Variants in WDR43 observed in about 807,000 individuals in gnomAD.
The protein encoded by WDR43 is WD repeat-containing protein 43.
In WDR43, 13 loss-of-function variants were observed where a neutral mutation model predicts 91.4. That is an observed-to-expected ratio of 0.14 (90% confidence interval 0.09 to 0.23). The LOEUF (loss-of-function observed/expected upper bound fraction) is 0.23, where lower values mean the gene tolerates loss of function less well. Ranked by LOEUF, WDR43 falls within the 10% of genes least tolerant of loss-of-function variation. The probability of loss-of-function intolerance (pLI) is 1.00; values close to 1 mark genes in which losing one functional copy is unlikely to be tolerated. For synonymous variants in WDR43, 331 were observed against 287.9 expected (o/e 1.15, Z -1.51); for missense variants, 780 against 809.4 (o/e 0.96, Z 0.44).
chr2:28,927,448 A>G, intron 9 of WDR43, 121 bp from the exon 10 acceptor site: 1 of 1,138,498 alleles, frequency 8.8e-7, no homozygotes, highest in South Asian at 1.7e-5. Context: ...AATTGATATC[A>G]AGTTAATTAT....
intron 6 of WDR43, among the ~76,000 whole-genome samples, chr2:28,918,678 A>T (rs934480020): frequency 2.6e-5 from 4 of 152,082 alleles, no homozygotes; most frequent in Non-Finnish European, 5.9e-5. Context: ...CTATATATGT[A>T]TGTATTTTAT....
At chr2:28,924,854 C>A in intron 7 of WDR43, 128 bp from the exon 8 acceptor site, 1 of 1,058,230 alleles carries the variant, frequency 9.4e-7, no homozygotes. Context: ...TCCGGAGACC[C>A]AGGTGACTCC....
At chr2:28,907,262 A>C (rs1471591037) in intron 3 of WDR43, among the ~76,000 whole-genome samples, 1 of 152,094 alleles carries the variant, frequency 6.6e-6, no homozygotes, top group African/African-American at 2.4e-5. Flanking sequence ...CTGCCAGAGA[A>C]GGGATTCTAA....
chr2:28,925,292 T>C, intron 8 of WDR43, 139 bp downstream of exon 8: 1 of 923,998 alleles, frequency 1.1e-6, no homozygotes, highest in Non-Finnish European at 1.5e-6. Context: ...CATGGAGTGG[T>C]TTATTTTAAT....
chr2:28,932,810 C>T (rs921361397), intron 11 of WDR43, among the ~76,000 whole-genome samples: 22 of 151,966 alleles, frequency 1.4e-4, no homozygotes, highest in African/African-American at 5.1e-4. Context: ...AAAAGAGAAG[C>T]GTATTTATGT....
intron 5 of WDR43, among the ~76,000 whole-genome samples, chr2:28,916,089 A>T (rs1670903735): frequency 6.6e-6 from 1 of 152,224 alleles, no homozygotes; most frequent in African/African-American, 2.4e-5. Context: ...GAGTTGTAAC[A>T]TACATATACA....
At chr2:28,929,537 G>T in intron 10 of WDR43, 42 bp from the exon 11 acceptor site, 1 of 1,485,152 alleles carries the variant, frequency 6.7e-7, no homozygotes, top group Non-Finnish European at 9.0e-7. Context: ...ACTACTTTAA[G>T]TCTTGTCTGG....
chr2:28,941,937 A>G (rs2148200461), intron 15 of WDR43, among the ~76,000 whole-genome samples: 1 of 152,326 alleles, frequency 6.6e-6, no homozygotes, highest in Middle Eastern at 3.4e-3. Flanking sequence ...ATCAGGATCT[A>G]GTCTTTAACT....
intron 5 of WDR43, among the ~76,000 whole-genome samples, chr2:28,917,326 C>T (rs1260419909): frequency 2.0e-5 from 3 of 152,146 alleles, no homozygotes; most frequent in Admixed American, 2.0e-4. Context: ...TGAATAATGA[C>T]AATCAACTGC....
intron 7 of WDR43, among the ~76,000 whole-genome samples, chr2:28,923,592 T>C (rs915280866): frequency 6.6e-6 from 1 of 152,182 alleles, no homozygotes; most frequent in Non-Finnish European, 1.5e-5. Context: ...GCACCCTTCT[T>C]TTAAGATACC....
chr2:28,926,526 C>A lies in WDR43; in HGVS notation c.1145C>A (p.Ala382Asp), dbSNP rs769043130. 1 of 1,599,076 alleles carries A rather than the reference C, an allele frequency of 6.3e-7. No homozygotes were observed. The highest frequency in any genetic ancestry group is 1.1e-5 in the South Asian group (1 of 88,276). ...GTAAGAGATATTTCAAACTGCTGGG[C>A]CCCCAAAGTAGAAACAGCTATAACA... Reference protein sequence around the residue: ...CLVRDISNCWAPKVETAITKV... With the variant: ...CLVRDISNCWDPKVETAITKV... The change falls in exon 9 of 18, where the codon GCC becomes GAC. Residue 382 changes from alanine to aspartate, a missense_variant. Physicochemically the swap from Ala to Asp is moderately radical, Grantham distance 126. Coordinates refer to ENST00000407426, the MANE Select transcript of WDR43 (RefSeq NM_015131.3).
At chr2:28,927,015 C>A in intron 9 of WDR43, 1 of 515,324 alleles carries the variant, frequency 1.9e-6, no homozygotes, top group Non-Finnish European at 3.9e-6. Flanking sequence ...AACTTGGTGT[C>A]TACATGTAGG....
At chr2:28,942,479 T>C in intron 16 of WDR43, 98 bp downstream of exon 16, 1 of 1,312,272 alleles carries the variant, frequency 7.6e-7, no homozygotes, top group South Asian at 1.3e-5. Context: ...CATAAGATCT[T>C]CCTTTGGCAA....
intron 2 of WDR43, 39 bp downstream of exon 2, chr2:28,902,163 G>A: frequency 6.6e-7 from 1 of 1,520,250 alleles, no homozygotes; most frequent in Non-Finnish European, 8.8e-7. Flanking sequence ...TGATGTGACA[G>A]GGAAGCTGAT....
intron 11 of WDR43, among the ~76,000 whole-genome samples, chr2:28,930,905 A>T (rs1234734213): frequency 6.6e-6 from 1 of 152,254 alleles, no homozygotes; most frequent in East Asian, 1.9e-4. Context: ...AGCAAATCTC[A>T]GATGATCACA....
At chr2:28,943,616 A>G (rs1189744792) in intron 16 of WDR43, among the ~76,000 whole-genome samples, 1 of 152,202 alleles carries the variant, frequency 6.6e-6, no homozygotes, top group Non-Finnish European at 1.5e-5. Context: ...AGCTAGACCA[A>G]TAGATTGGCA....
intron 2 of WDR43, among the ~76,000 whole-genome samples, 166 bp from the exon 3 acceptor site, chr2:28,906,294 A>G (rs1456814843): frequency 2.0e-5 from 3 of 152,102 alleles, no homozygotes; most frequent in African/African-American, 7.2e-5. Context: ...CAAAAAATAC[A>G]CCATTGGCTC....
chr2:28,900,569 T>C (rs1280671661), intron 1 of WDR43, among the ~76,000 whole-genome samples: 2 of 152,192 alleles, frequency 1.3e-5, no homozygotes, highest in East Asian at 3.9e-4. Flanking sequence ...TTGCCTGAAA[T>C]AGGTGTTTGT....
In WDR43 at chr2:28,939,014, AG is replaced by A. The variant is rs370684346; in HGVS notation, c.1620+1026del. On this transcript the variant is annotated intron_variant, in intron 14 of 17. Transcript: ENST00000407426. ...GGGAGGTGGCCTGGGAACACTGGTGAGGGGGGTTTTGGGAGGTGACCTGGGA... is the reference window on the plus strand; with the variant it reads ...GGGAGGTGGCCTGGGAACACTGGTGAGGGGGTTTTGGGAGGTGACCTGGGA... 1.3e-4 allele frequency among the ~76,000 whole-genome samples: 16 copies of A among 119,092 alleles called. 1 individual carries two copies. Among genetic ancestry groups the A allele is most frequent in the African/African-American group, 5.1e-4 (15 of 29,192 alleles). 78.1% of individuals were successfully genotyped at this position (119,092 alleles called of 152,430 possible).
Sources: allele counts gnomAD v4.1 joint callset (sites outside exome capture counted in the v4.1 genomes callset), GRCh38; gene constraint gnomAD v4.1.1; transcripts MANE v1.5; gene names NCBI Gene and HGNC (gene_info 2026-07-23, HGNC 2026-07-21).